Variants in KAZN observed in about 807,000 individuals in gnomAD.
KAZN encodes kazrin.
A neutral mutation model predicts 87.4 loss-of-function variants in KAZN; 40 were observed. The ratio of observed to expected loss-of-function variants is 0.46; its 90% CI spans 0.36 to 0.60. The LOEUF (loss-of-function observed/expected upper bound fraction) is 0.60, where lower values mean the gene tolerates loss of function less well. Among genes scored for constraint, KAZN ranks in the 20% least tolerant of loss-of-function variants. The pLI is 0.00. For synonymous variants in KAZN, 466 were observed against 458.3 expected (o/e 1.02, Z -0.22); for missense variants, 898 against 1,073.9 (o/e 0.84, Z 2.29).
At chr1:14,787,561 T>G (rs1645545232) in intron 1 of KAZN, among the ~76,000 whole-genome samples, 1 of 152,186 alleles carries the variant, frequency 6.6e-6, no homozygotes, top group Non-Finnish European at 1.5e-5. Flanking sequence ...AAGTGCATAG[T>G]GAATTACCTG....
At chr1:14,552,058 G>C (rs191585662) in intron 2 of KAZN, among the ~76,000 whole-genome samples, 201 of 151,870 alleles carry the variant, frequency 1.3e-3, no homozygotes, top group African/African-American at 4.7e-3. Flanking sequence ...AAGATTTCTA[G>C]GAGTTGGTTC....
chr1:14,573,702 G>C (rs1221702340), intron 2 of KAZN, among the ~76,000 whole-genome samples: 1 of 151,934 alleles, frequency 6.6e-6, no homozygotes, highest in Non-Finnish European at 1.5e-5. Context: ...AATGAGTCCA[G>C]GTCAGAACTT....
chr1:13,941,159 C>A (rs1640912968), intron 1 of KAZN, among the ~76,000 whole-genome samples: 1 of 152,096 alleles, frequency 6.6e-6, no homozygotes, highest in Admixed American at 6.5e-5. Context: ...CGCACCACTG[C>A]ACTCTGGGCA....
chr1:15,082,839 C>A (rs1011568177), intron 8 of KAZN, among the ~76,000 whole-genome samples: 12 of 152,180 alleles, frequency 7.9e-5, no homozygotes, highest in African/African-American at 2.9e-4. Context: ...ATTACAGGTG[C>A]GTGCCACCAT....
rs139285578 is a variant in KAZN at position 14,493,083 on chromosome 1, C to G, written c.250-105900C>G. On this transcript the variant is annotated intron_variant, in intron 2 of 16. Transcript: ENST00000636203. ...CTGTTGGAATGTCACTTCATCCACGCAGCCTTTCTGGACCACCTCTCTAGG... is the reference window on the plus strand; with the variant it reads ...CTGTTGGAATGTCACTTCATCCACGGAGCCTTTCTGGACCACCTCTCTAGG... Among the ~76,000 whole-genome samples, 635 of 152,254 alleles carry G rather than the reference C, an allele frequency of 4.2e-3. 3 individuals are homozygous for G. Among genetic ancestry groups the G allele is most frequent in the African/African-American group, 0.015 (609 of 41,536 alleles).
At chr1:14,198,151 G>A (rs1316690365) in intron 2 of KAZN, among the ~76,000 whole-genome samples, 1 of 152,206 alleles carries the variant, frequency 6.6e-6, no homozygotes, top group Non-Finnish European at 1.5e-5. Flanking sequence ...GCTGTTATGA[G>A]TTAGGTCACA....
chr1:14,349,820 G>A (rs970974679), intron 2 of KAZN, among the ~76,000 whole-genome samples: 2 of 152,098 alleles, frequency 1.3e-5, no homozygotes, highest in Admixed American at 1.3e-4. Flanking sequence ...AGTAGGCAGA[G>A]AGGAGCCATT....
chr1:14,977,350 G>A (rs1665750077), intron 2 of KAZN, among the ~76,000 whole-genome samples: 2 of 152,222 alleles, frequency 1.3e-5, no homozygotes, highest in East Asian at 3.9e-4. Flanking sequence ...CTCAGGGAGT[G>A]GGTGAGGAGC....
chr1:14,664,742 C>T (rs1210774261), intron 1 of KAZN, among the ~76,000 whole-genome samples: 2 of 150,624 alleles, frequency 1.3e-5, no homozygotes, highest in Non-Finnish European at 3.0e-5. Context: ...CAAGCTCCGC[C>T]TCCCAGGTTC....
At chr1:14,060,049 G>A (rs1642725325) in intron 1 of KAZN, among the ~76,000 whole-genome samples, 1 of 152,126 alleles carries the variant, frequency 6.6e-6, no homozygotes, top group Admixed American at 6.5e-5. Flanking sequence ...AAACAGTTTG[G>A]ATTTCCATGA....
chr1:14,972,828 G>A (rs112465265), intron 2 of KAZN, among the ~76,000 whole-genome samples: 1,800 of 152,074 alleles, frequency 0.012, 26 homozygotes, highest in African/African-American at 0.041. Flanking sequence ...AGCTCTTTTT[G>A]TAGAGTAGCC....
In KAZN at chr1:14,478,274, A is replaced by AAAGGAAGGAAGGAAGG. The variant is rs575798813; in HGVS notation, c.250-120708_250-120693dup. ...AGAAGGAAGGAAGGAAGGAAGGAAG[A>AAAGGAAGGAAGGAAGG]AAGGAAGGAAGGAAGGGTGGATGGG... On this transcript the variant is annotated intron_variant, in intron 2 of 16. Transcript: ENST00000636203. Among the ~76,000 whole-genome samples the AAAGGAAGGAAGGAAGG allele has an allele frequency of 2.7e-4, 30 of 111,518 alleles. No homozygotes were observed. In the South Asian group the frequency reaches 3.6e-3, roughly 14 times the overall value. The allele number at this position is 111,518 out of a possible 152,430, so 73.2% of individuals were successfully genotyped here. A position where few individuals can be genotyped will look rare whatever the true frequency, so the allele number is the denominator to read the frequency against.
chr1:15,007,071 A>AG (rs1425074982), intron 2 of KAZN, among the ~76,000 whole-genome samples: 6 of 151,034 alleles, frequency 4.0e-5, no homozygotes, highest in South Asian at 2.1e-4. Context: ...AAAAAAAAAA[A>AG]AAAAAAGAAA....
chr1:14,824,608 A>T (rs1271153718), intron 1 of KAZN, among the ~76,000 whole-genome samples: 2 of 152,170 alleles, frequency 1.3e-5, no homozygotes, highest in Non-Finnish European at 2.9e-5. Context: ...GGGTTAAGTA[A>T]AAAAAGATAT....
At chr1:14,819,664 G>A (rs779143786) in intron 1 of KAZN, among the ~76,000 whole-genome samples, 13 of 150,488 alleles carry the variant, frequency 8.6e-5, no homozygotes, top group African/African-American at 2.7e-4. Flanking sequence ...TCAGACTTGC[G>A]AGTCCCCACC....
intron 8 of KAZN, among the ~76,000 whole-genome samples, chr1:15,072,281 A>C (rs752204581): frequency 7.2e-5 from 11 of 152,206 alleles, no homozygotes; most frequent in Non-Finnish European, 1.5e-4. Flanking sequence ...AGTGCCTCAA[A>C]TCAAAACTTG....
intron 1 of KAZN, among the ~76,000 whole-genome samples, chr1:13,931,471 C>CGT (rs940971013): frequency 1.4e-5 from 2 of 147,744 alleles, no homozygotes; most frequent in Non-Finnish European, 3.0e-5. Context: ...TGTGTGCATG[C>CGT]GTGTGTGTGT....
At chr1:14,593,145 G>A (rs12022765) in intron 2 of KAZN, among the ~76,000 whole-genome samples, 24,098 of 152,218 alleles carry the variant, frequency 0.16, 2,159 homozygotes, top group Middle Eastern at 0.28. Flanking sequence ...CGGAGTTGTC[G>A]CAAGAATAAA....
intron 2 of KAZN, among the ~76,000 whole-genome samples, chr1:14,394,523 A>G (rs1172783744): frequency 6.6e-6 from 1 of 152,096 alleles, no homozygotes; most frequent in Admixed American, 6.5e-5. Flanking sequence ...TTTATAATCT[A>G]AAGCCTTACA....
Sources: allele counts gnomAD v4.1 joint callset (sites outside exome capture counted in the v4.1 genomes callset), GRCh38; gene constraint gnomAD v4.1.1; transcripts MANE v1.5; gene names NCBI Gene and HGNC (gene_info 2026-07-23, HGNC 2026-07-21).